Variants in RANBP3 observed in about 807,000 individuals in gnomAD.
RANBP3 encodes the protein RAN binding protein 3, also known as ran-binding protein 3.
A neutral mutation model predicts 77.3 loss-of-function variants in RANBP3; 14 were observed. The observed-to-expected ratio is 0.18, with a 90% CI of 0.12 to 0.28. RANBP3 has a LOEUF of 0.28. RANBP3 is among the 10% of genes least tolerant of loss of function. The pLI, the probability that RANBP3 is intolerant of heterozygous loss-of-function variation, is 1.00. For missense variants in RANBP3, 586 were observed against 752.3 expected (o/e 0.78, Z 2.59); for synonymous variants, 315 against 312.4 (o/e 1.01, Z -0.09).
intron 5 of RANBP3, among the ~76,000 whole-genome samples, chr19:5,936,697 G>A (rs1222517557): frequency 6.6e-6 from 1 of 152,216 alleles, no homozygotes; most frequent in Non-Finnish European, 1.5e-5. Flanking sequence ...TGAACAACGG[G>A]GACCTGCCTG....
intron 7 of RANBP3, among the ~76,000 whole-genome samples, chr19:5,932,067 A>C (rs1444539980): frequency 6.6e-6 from 1 of 152,130 alleles, no homozygotes; most frequent in Non-Finnish European, 1.5e-5. Context: ...AAATAAAATG[A>C]CCTTTCAAGT....
At chr19:5,919,669 T>A (rs2057791670) in intron 14 of RANBP3, among the ~76,000 whole-genome samples, 1 of 152,098 alleles carries the variant, frequency 6.6e-6, no homozygotes, top group African/African-American at 2.4e-5. Flanking sequence ...GAGGCCTAGG[T>A]GGGCAGATCA....
chr19:5,925,231 A>G, intron 10 of RANBP3: 1 of 480,478 alleles, frequency 2.1e-6, no homozygotes, highest in Non-Finnish European at 3.8e-6. Context: ...CATTACCCCC[A>G]GCCATGTCAG....
chr19:5,929,517 T>G (rs1470072171), intron 8 of RANBP3, among the ~76,000 whole-genome samples: 4 of 152,256 alleles, frequency 2.6e-5, no homozygotes, highest in African/African-American at 9.6e-5. Context: ...CGGAGCCTGC[T>G]TAGAGGATTC....
chr19:5,966,015 G>C (rs769069564), intron 1 of RANBP3: 2 of 152,180 alleles, frequency 1.3e-5, no homozygotes, highest in African/African-American at 2.4e-5. Context: ...CTGAAGCCCC[G>C]GCCCATGCTC....
At chr19:5,967,919 A>C (rs1568481789) in intron 1 of RANBP3, among the ~76,000 whole-genome samples, 2 of 152,202 alleles carry the variant, frequency 1.3e-5, no homozygotes, top group Non-Finnish European at 2.9e-5. Context: ...CGGGAGGCTG[A>C]GACCCAAGCA....
Position 5,931,409 on chromosome 19 carries a change from G to C in RANBP3, c.688C>G (p.Leu230Val). ...CTGCCTCAGGACCCACTGACCTCAAGTGCACACACCTCATCGGCAGCTTCG... is the reference window on the plus strand; with the variant it reads ...CTGCCTCAGGACCCACTGACCTCAACTGCACACACCTCATCGGCAGCTTCG... Reference protein sequence around the residue: ...PSEAADEVCALEEKEPQKNES... With the variant: ...PSEAADEVCAVEEKEPQKNES... Residue 230 changes from leucine (L) to valine (V), a missense_variant, in exon 8 of 17, where the codon CTT becomes GTT. Around this residue, in one of 5 missense-constraint regions of RANBP3, gnomAD observed 232 missense variants for 271.7 expected, o/e 0.85. Transcript: ENST00000340578. The C allele has an allele frequency of 6.2e-7, 1 of 1,609,706 alleles. No homozygotes were observed. Among genetic ancestry groups the C allele is most frequent in the Non-Finnish European group, 8.5e-7 (1 of 1,177,216 alleles).
intron 3 of RANBP3, among the ~76,000 whole-genome samples, chr19:5,949,495 T>C (rs1020570954): frequency 6.6e-6 from 1 of 152,212 alleles, no homozygotes; most frequent in Non-Finnish European, 1.5e-5. Flanking sequence ...CTGGGGCTCC[T>C]GAAAGTGGGT....
At chr19:5,943,778 A>C (rs2058168865) in intron 3 of RANBP3, among the ~76,000 whole-genome samples, 1 of 152,200 alleles carries the variant, frequency 6.6e-6, no homozygotes, top group African/African-American at 2.4e-5. Context: ...ACATCATCAA[A>C]GTGTGTGGGA....
chr19:5,958,931 CA>C lies in RANBP3; in HGVS notation c.23-959del. Among the ~76,000 whole-genome samples, 1 of 152,348 alleles carries C rather than the reference CA, an allele frequency of 6.6e-6. No homozygotes were observed. Among genetic ancestry groups the C allele is most frequent in the East Asian group, 1.9e-4 (1 of 5,160 alleles). On this transcript the variant is annotated intron_variant, in intron 1 of 16. Coordinates refer to ENST00000340578, the MANE Select transcript of RANBP3 (RefSeq NM_007322.3). This position sits in a 1 kb window ranked among gnomAD's most constrained non-coding sequence, Gnocchi z 4.4. Reference sequence around the variant, plus strand: ...TGCGCACTGGTGCCTCCGCGTTGAGCAGGGTTTGGGAAGAGCCCTGCCTTCG... The same window carrying C: ...TGCGCACTGGTGCCTCCGCGTTGAGCGGGTTTGGGAAGAGCCCTGCCTTCG...
In RANBP3 at chr19:5,931,426, G is replaced by T; in HGVS notation, c.671C>A (p.Ala224Asp). Reference protein sequence around the residue: ...TAAWRSPSEAADEVCALEEKE... With the variant: ...TAAWRSPSEADDEVCALEEKE... ...GACCTCAAGTGCACACACCTCATCG[G>T]CAGCTTCGGAAGGACTTCTCCATGC... The change falls in exon 8 of 17, where the codon GCC (alanine) becomes GAC (aspartate). Residue 224 changes from alanine to aspartate, a missense_variant. Coordinates refer to ENST00000340578, the MANE Select transcript of RANBP3 (RefSeq NM_007322.3). The T allele has an allele frequency of 1.2e-6, 2 of 1,612,352 alleles. No individual in the cohort carries two copies. The highest frequency in any genetic ancestry group is 1.7e-6 in the Non-Finnish European group (2 of 1,179,196).
intron 3 of RANBP3, among the ~76,000 whole-genome samples, chr19:5,951,160 G>A (rs916660673): frequency 2.0e-5 from 3 of 152,202 alleles, no homozygotes; most frequent in African/African-American, 7.2e-5. Context: ...ACCTCTTGCT[G>A]TGGGTATATA....
In RANBP3 at chr19:5,917,069, T is replaced by C. The variant is rs116876156; in HGVS notation, c.*541A>G. On this transcript the variant is annotated 3_prime_UTR_variant, in exon 17 of 17. Transcript: ENST00000340578. ...CCAATCAGAGAGGGGAAGTGGGAAA[T>C]GAAGATAGTAGTTAACAGCACGTCC... 930 of 158,336 alleles carry C rather than the reference T, an allele frequency of 5.9e-3. 8 individuals are homozygous for C. Among genetic ancestry groups the C allele is most frequent in the Non-Finnish European group, 9.7e-3 (685 of 70,692 alleles). The allele number at this position is 158,336 out of a possible 1,614,324, so 9.8% of individuals were successfully genotyped here.
chr19:5,931,560 A>C, intron 7 of RANBP3, 29 bp from the exon 8 acceptor site: 4 of 1,589,032 alleles, frequency 2.5e-6, no homozygotes, highest in Non-Finnish European at 3.4e-6. Context: ...GTGGGGAATC[A>C]CAGGTGCTTG....
At chr19:5,918,714 C>G (rs2057778516) in intron 14 of RANBP3, 76 bp from the exon 15 acceptor site, 1 of 1,551,120 alleles carries the variant, frequency 6.4e-7, no homozygotes, top group Non-Finnish European at 8.8e-7. Flanking sequence ...AGAGCCAACA[C>G]AGTCCAGATG....
chr19:5,966,680 A>G (rs1326379802), intron 1 of RANBP3, among the ~76,000 whole-genome samples: 1 of 152,250 alleles, frequency 6.6e-6, no homozygotes, highest in Non-Finnish European at 1.5e-5. Flanking sequence ...AAAACTAAAT[A>G]GAAGAAACTA....
At chr19:5,963,230 T>C (rs1415218929) in intron 1 of RANBP3, among the ~76,000 whole-genome samples, 1 of 152,182 alleles carries the variant, frequency 6.6e-6, no homozygotes, top group Admixed American at 6.5e-5. Context: ...TGTCTGGAGA[T>C]TGACTTTACA....
At position 5,921,235 on chromosome 19, in the gene RANBP3, C is replaced by T. The variant is rs772882759; in HGVS notation, c.1296G>A (p.Ala432=). The change falls in exon 14 of 17, where the codon GCG becomes GCA. Residue 432 remains alanine (A), a synonymous_variant. Coordinates refer to ENST00000340578, the MANE Select transcript of RANBP3 (RefSeq NM_007322.3). The surrounding 1 kb of genome is among the most constrained non-coding windows in gnomAD (Gnocchi z 5.3). ...ACTGTAGTGTGCCGTCATCGGTGGA[C>T]GCCATGTCATTGAGTCTGAGCAGCC... ...GRGLLRLNDM[A]STDDGTLQSR... 28 of 1,613,144 alleles carry T rather than the reference C, an allele frequency of 1.7e-5. No homozygotes were observed. Among genetic ancestry groups the T allele is most frequent in the East Asian group, 2.2e-5 (1 of 44,884 alleles).
chr19:5,927,905 T>C, intron 9 of RANBP3, 63 bp downstream of exon 9: 1 of 1,552,072 alleles, frequency 6.4e-7, no homozygotes, highest in African/African-American at 1.4e-5. Context: ...TCTACCTACT[T>C]GCCTGCTGTT....
Sources: allele counts gnomAD v4.1 joint callset (sites outside exome capture counted in the v4.1 genomes callset), GRCh38; gene constraint gnomAD v4.1.1; regional missense constraint gnomAD v4.1.1; non-coding constraint Gnocchi (gnomAD v3.1); transcripts MANE v1.5; gene names NCBI Gene and HGNC (gene_info 2026-07-23, HGNC 2026-07-21).